LCA5: variants seen among roughly 807,000 people sequenced by gnomAD.
LCA5 encodes lebercilin.
In LCA5, 37 loss-of-function variants were observed where a neutral mutation model predicts 53.0. That is an observed-to-expected ratio of 0.70 (90% CI 0.54 to 0.92). The LOEUF (loss-of-function observed/expected upper bound fraction) is 0.92. Among genes scored for constraint, LCA5 ranks in the 40% least tolerant of loss-of-function variants. The pLI, the probability that LCA5 is intolerant of heterozygous loss-of-function variation, is 0.00. For synonymous variants in LCA5, 303 were observed against 282.9 expected (o/e 1.07, Z -0.71); for missense variants, 806 against 790.5 (o/e 1.02, Z -0.23).
At chr6:79,516,548 ACT>A (rs1289457786) in intron 2 of LCA5, among the ~76,000 whole-genome samples, 3 of 151,872 alleles carry the variant, frequency 2.0e-5, no homozygotes, top group Non-Finnish European at 4.4e-5. Flanking sequence ...ACATCCTAAA[ACT>A]CTGAGTATAA....
intron 1 of LCA5, among the ~76,000 whole-genome samples, chr6:79,523,969 C>T (rs979791520): frequency 6.6e-6 from 1 of 152,094 alleles, no homozygotes; most frequent in Non-Finnish European, 1.5e-5. Flanking sequence ...ATTTAACTCA[C>T]CCTTCATTTT....
chr6:79,506,078 T>C (rs1000631953), intron 3 of LCA5, among the ~76,000 whole-genome samples: 7 of 152,186 alleles, frequency 4.6e-5, no homozygotes, highest in African/African-American at 9.6e-5. Flanking sequence ...CAATCTCTTA[T>C]AGTAAAATCT....
rs747228221 is a variant in LCA5, at chr6:79,489,159, T to C, written c.1156A>G (p.Met386Val). 1.9e-6 allele frequency: 3 copies of C among 1,612,984 alleles called. No individual in the cohort carries two copies. The highest frequency in any genetic ancestry group is 1.7e-6 in the Non-Finnish European group (2 of 1,179,638). ...HGEAGILNPI[M>V]EREEKFVTDE... ...GTAACAAATTTTTCTTCTCTTTCCATAATTGGGTTTAGAATCCCTGCTTCT... is the reference window on the plus strand; with the variant it reads ...GTAACAAATTTTTCTTCTCTTTCCACAATTGGGTTTAGAATCCCTGCTTCT... Residue 386 changes from methionine (M) to valine (V), a missense_variant, in exon 7 of 8, where the codon ATG becomes GTG. Physicochemically the swap from Met to Val is conservative, Grantham distance 21. Transcript: ENST00000369846.
chr6:79,535,898 TG>T (rs1767102509), intron 1 of LCA5, among the ~76,000 whole-genome samples: 1 of 152,182 alleles, frequency 6.6e-6, no homozygotes, highest in South Asian at 2.1e-4. Context: ...ACAAAGGAGT[TG>T]AAGAATGACA....
rs1190346584 is a variant in LCA5, at chr6:79,526,469, A to G, written c.-191-7384T>C. 2.0e-5 allele frequency among the ~76,000 whole-genome samples: 3 copies of G among 152,192 alleles called. No homozygotes were observed. The East Asian group carries it at 5.8e-4, about 30-fold the overall frequency. On this transcript the variant is annotated intron_variant, in intron 1 of 7. Transcript: ENST00000369846. ...TGAGGCAGGAGAATGGCGTGAACCC[A>G]GGAGGCAGAGGTTGCAGTGAGCCGA...
At position 79,489,177 on chromosome 6, in the gene LCA5, C is replaced by T. The variant is rs201814494; in HGVS notation, c.1138G>A (p.Gly380Arg). The change falls in exon 7 of 8, where the codon GGG becomes AGG. Residue 380 changes from glycine (G) to arginine (R), a missense_variant. Physicochemically the swap from Gly to Arg is moderately radical, Grantham distance 125. Transcript: ENST00000369846. ...SQKQDRHGEA[G>R]ILNPIMEREE... is the part of the protein sequence containing the mutation. ...CTTTCCATAATTGGGTTTAGAATCC[C>T]TGCTTCTCCATGCCTGTCTTGCTTT... is the stretch of plus-strand genomic sequence containing the variant. The T allele has an allele frequency of 2.2e-5, 35 of 1,612,644 alleles. No homozygotes were observed. In the East Asian group the frequency reaches 5.8e-4, roughly 27 times the overall value.
chr6:79,524,817 T>C (rs536584595), intron 1 of LCA5, among the ~76,000 whole-genome samples: 1 of 152,230 alleles, frequency 6.6e-6, no homozygotes, highest in African/African-American at 2.4e-5. Flanking sequence ...GTTGGGACCC[T>C]TTCTCCCCCT....
chr6:79,494,641 TTGATA>T (rs1305992264), intron 3 of LCA5, among the ~76,000 whole-genome samples: 1 of 152,190 alleles, frequency 6.6e-6, no homozygotes, highest in Non-Finnish European at 1.5e-5. Context: ...ATTTGAGACT[TTGATA>T]TATCTTTCTC....
At chr6:79,531,211 C>T in intron 1 of LCA5, among the ~76,000 whole-genome samples, 1 of 152,156 alleles carries the variant, frequency 6.6e-6, no homozygotes, top group East Asian at 1.9e-4. Flanking sequence ...CCACCTCCAC[C>T]TGTATCTATC....
chr6:79,538,033 T>TTTTTG (rs1767210667), upstream of LCA5, among the ~76,000 whole-genome samples: 1 of 134,890 alleles, frequency 7.4e-6, no homozygotes, highest in Non-Finnish European at 1.6e-5. Flanking sequence ...TTTTTTTTTT[T>TTTTTG]TTTTTTTTTT....
chr6:79,515,296 G>A (rs1252825523), intron 2 of LCA5, among the ~76,000 whole-genome samples: 2 of 151,986 alleles, frequency 1.3e-5, no homozygotes, highest in African/African-American at 4.8e-5. Flanking sequence ...TATCGGAGAT[G>A]GAAAACAGAA....
chr6:79,526,631 T>A (rs371074575), intron 1 of LCA5, among the ~76,000 whole-genome samples: 1 of 152,098 alleles, frequency 6.6e-6, no homozygotes, highest in African/African-American at 2.4e-5. Flanking sequence ...CCCCTTTACC[T>A]CAAAGGGTGT....
At chr6:79,532,725 A>G (rs1766992657) in intron 1 of LCA5, among the ~76,000 whole-genome samples, 1 of 152,102 alleles carries the variant, frequency 6.6e-6, no homozygotes, top group African/African-American at 2.4e-5. Flanking sequence ...ACTCTATCCT[A>G]TTACTATGCT....
intron 6 of LCA5, 29 bp downstream of exon 6, chr6:79,491,559 T>C (rs975023156): frequency 6.2e-7 from 1 of 1,611,006 alleles, no homozygotes; most frequent in Non-Finnish European, 8.5e-7. Flanking sequence ...CAGACCGAGT[T>C]TGGTACATAA....
At chr6:79,531,929 T>C (rs1426305826) in intron 1 of LCA5, among the ~76,000 whole-genome samples, 1 of 152,200 alleles carries the variant, frequency 6.6e-6, no homozygotes, top group Non-Finnish European at 1.5e-5. Context: ...TAGACTTCAA[T>C]TAGCCTGGCT....
Position 79,486,841 on chromosome 6 carries a change from G to T in LCA5, c.*163C>A. ...TTCATTCTTGGCAAACTATCTATGT[G>T]GTGTATGTATGATCTACTTCTTTTT... On this transcript the variant is annotated 3_prime_UTR_variant, in exon 8 of 8. Transcript: ENST00000369846. 1 of 579,806 alleles carries T rather than the reference G, an allele frequency of 1.7e-6. No individual in the cohort carries two copies. Among genetic ancestry groups the T allele is most frequent in the Non-Finnish European group, 2.9e-6 (1 of 341,888 alleles). The allele number at this position is 579,806 out of a possible 1,614,324, so 35.9% of individuals were successfully genotyped here. A position where few individuals can be genotyped will look rare whatever the true frequency, so the allele number is the denominator to read the frequency against.
intron 1 of LCA5, among the ~76,000 whole-genome samples, chr6:79,529,992 A>G (rs938488827): frequency 6.6e-6 from 1 of 151,060 alleles, no homozygotes; most frequent in African/African-American, 2.4e-5. Flanking sequence ...GCATTAGGAG[A>G]TATACCTAAT....
At chr6:79,496,398 T>C (rs1338214074) in intron 3 of LCA5, among the ~76,000 whole-genome samples, 4 of 152,174 alleles carry the variant, frequency 2.6e-5, no homozygotes, top group Non-Finnish European at 5.9e-5. Context: ...TTATTTGCAA[T>C]AGCCAAAACT....
At position 79,485,925 on chromosome 6, in the gene LCA5, A is replaced by G. The variant is rs1432423083; in HGVS notation, c.*1079T>C. 2 of 152,196 alleles carry G rather than the reference A, an allele frequency of 1.3e-5. No individual in the cohort carries two copies. Among genetic ancestry groups the G allele is most frequent in the African/African-American group, 2.4e-5 (1 of 41,462 alleles). 9.4% of individuals were successfully genotyped at this position (152,196 alleles called of 1,614,324 possible). ...AAGCTGAAGTGAATTACAAACAGCC[A>G]AAAGACCAATGCATTTAAACAGAAA... On this transcript the variant is annotated 3_prime_UTR_variant, in exon 8 of 8. Transcript: ENST00000369846.
Sources: allele counts gnomAD v4.1 joint callset (sites outside exome capture counted in the v4.1 genomes callset), GRCh38; gene constraint gnomAD v4.1.1; transcripts MANE v1.5; gene names NCBI Gene and HGNC (gene_info 2026-07-23, HGNC 2026-07-21).